The following UBE2J1 variants were observed in gnomAD, a reference collection of about 807,000 sequenced individuals.
The protein encoded by UBE2J1 is ubiquitin-conjugating enzyme E2 J1.
UBE2J1 carries 17 observed loss-of-function variants against 42.1 expected under a neutral mutation model. The observed-to-expected ratio is 0.40, with a 90% CI of 0.28 to 0.61. The LOEUF is 0.61. Ranked by LOEUF, UBE2J1 falls within the 20% of genes least tolerant of loss-of-function variation. The pLI, the probability that UBE2J1 is intolerant of heterozygous loss-of-function variation, is 0.38. For missense variants in UBE2J1, 291 were observed against 389.4 expected, an observed-to-expected ratio of 0.75 and a Z score of 2.13; for synonymous variants, 127 against 137.2, an observed-to-expected ratio of 0.93 and a Z score of 0.52.
chr6:89,333,988 A>C (rs1233750164), intron 6 of UBE2J1, among the ~76,000 whole-genome samples: 1 of 152,076 alleles, frequency 6.6e-6, no homozygotes, highest in South Asian at 2.1e-4. Context: ...TTACGTCTGT[A>C]TGTATGTATG....
intron 7 of UBE2J1, among the ~76,000 whole-genome samples, chr6:89,331,005 TC>T (rs1186983622): frequency 1.3e-5 from 2 of 152,178 alleles, no homozygotes; most frequent in Non-Finnish European, 2.9e-5. Flanking sequence ...TTTCTACATT[TC>T]CCATTGCTTT....
intron 3 of UBE2J1, among the ~76,000 whole-genome samples, chr6:89,339,113 A>C (rs931294797): frequency 2.0e-5 from 3 of 151,868 alleles, no homozygotes; most frequent in Admixed American, 2.0e-4. Flanking sequence ...GCACAAGTGA[A>C]ATCTAAATAA....
chr6:89,346,683 C>T (rs1372528883), intron 1 of UBE2J1, among the ~76,000 whole-genome samples: 2 of 151,840 alleles, frequency 1.3e-5, no homozygotes, highest in Admixed American at 6.6e-5. Context: ...TCAATCTGGG[C>T]AGATCAAAAT....
chr6:89,351,255 T>C (rs147783587), intron 1 of UBE2J1, among the ~76,000 whole-genome samples: 1,766 of 151,866 alleles, frequency 0.012, 62 homozygotes, highest in Admixed American at 0.066. Flanking sequence ...CTGATTTTTG[T>C]GTTTTTAGTA....
At chr6:89,350,020 A>ACAACTACTGACAAATCCATAGG in intron 1 of UBE2J1, among the ~76,000 whole-genome samples, 1 of 152,254 alleles carries the variant, frequency 6.6e-6, no homozygotes, top group African/African-American at 2.4e-5. Context: ...TGATCCATAG[A>ACAACTACTGACAAATCCATAGG]CAACTACTGC....
chr6:89,345,226 A>T (rs1217339284), intron 1 of UBE2J1, among the ~76,000 whole-genome samples: 1 of 152,208 alleles, frequency 6.6e-6, no homozygotes, highest in Non-Finnish European at 1.5e-5. Context: ...TTGGAATGTT[A>T]TGGGGAGAGA....
In UBE2J1 at chr6:89,328,226, A is replaced by T. The variant is rs1767941994; in HGVS notation, c.*1453T>A. 6.6e-6 allele frequency: 1 copy of T among 152,222 alleles called. No individual in the cohort carries two copies. Among genetic ancestry groups the T allele is most frequent in the Non-Finnish European group, 1.5e-5 (1 of 68,044 alleles). The allele number at this position is 152,222 out of a possible 1,614,324, so 9.4% of individuals were successfully genotyped here. ...ACAGTTAATAGAACGAATGTCCCAT[A>T]AACAGGAGTAAAAATTAAATTTTCC... On this transcript the variant is annotated 3_prime_UTR_variant, in exon 8 of 8. Transcript: ENST00000435041.
At chr6:89,333,328 T>C in intron 6 of UBE2J1, 123 bp from the exon 7 acceptor site, 2 of 1,156,462 alleles carry the variant, frequency 1.7e-6, no homozygotes, top group Non-Finnish European at 2.4e-6. Flanking sequence ...ATATCTATTA[T>C]CAGGCAGTTA....
At chr6:89,344,683 G>A (rs1768324525) in intron 1 of UBE2J1, among the ~76,000 whole-genome samples, 1 of 152,140 alleles carries the variant, frequency 6.6e-6, no homozygotes, top group Admixed American at 6.5e-5. Context: ...GCCACCTAAT[G>A]TCCCCACATT....
intron 1 of UBE2J1, among the ~76,000 whole-genome samples, 187 bp from the exon 2 acceptor site, chr6:89,343,943 A>G (rs1262660641): frequency 6.6e-6 from 1 of 152,192 alleles, no homozygotes; most frequent in East Asian, 1.9e-4. Flanking sequence ...AGGCATTAAC[A>G]CTTTAAAAGA....
At chr6:89,340,921 G>A (rs895732522) in intron 3 of UBE2J1, among the ~76,000 whole-genome samples, 4 of 151,554 alleles carry the variant, frequency 2.6e-5, no homozygotes, top group Admixed American at 1.3e-4. Flanking sequence ...GACTACAGGC[G>A]CCCGCCACCG....
At chr6:89,348,710 A>G (rs532227856) in intron 1 of UBE2J1, among the ~76,000 whole-genome samples, 1 of 152,384 alleles carries the variant, frequency 6.6e-6, no homozygotes, top group East Asian at 1.9e-4. Flanking sequence ...AGACATGAAA[A>G]TAATTACAAC....
intron 5 of UBE2J1, among the ~76,000 whole-genome samples, chr6:89,337,196 G>GCCT (rs1768124307): frequency 2.0e-5 from 3 of 150,418 alleles, no homozygotes; most frequent in African/African-American, 7.3e-5. Context: ...AATATACAGT[G>GCCT]AGAAGCCTAG....
In UBE2J1 at chr6:89,327,555, T is replaced by C. The variant is rs1767932194; in HGVS notation, c.*2124A>G. 1 of 152,162 alleles carries C rather than the reference T, an allele frequency of 6.6e-6. No individual in the cohort carries two copies. The highest frequency in any genetic ancestry group is 2.1e-4 in the South Asian group (1 of 4,830). 9.4% of individuals were successfully genotyped at this position (152,162 alleles called of 1,614,324 possible). A position where few individuals can be genotyped will look rare whatever the true frequency, so the allele number is the denominator to read the frequency against. Reference sequence around the variant, plus strand: ...TGCCCCTTTCAGATGGTGCTTCAGGTGCTAAAAAATATCCCAACACAAACA... The same window carrying C: ...TGCCCCTTTCAGATGGTGCTTCAGGCGCTAAAAAATATCCCAACACAAACA... On this transcript the variant is annotated 3_prime_UTR_variant, in exon 8 of 8. Transcript: ENST00000435041.
chr6:89,346,715 G>C (rs970234635), intron 1 of UBE2J1, among the ~76,000 whole-genome samples: 3 of 151,994 alleles, frequency 2.0e-5, no homozygotes, highest in African/African-American at 7.3e-5. Flanking sequence ...CCTAGGGAGG[G>C]GTAGAGACTA....
chr6:89,347,071 C>A (rs914274778), intron 1 of UBE2J1, among the ~76,000 whole-genome samples: 3 of 152,128 alleles, frequency 2.0e-5, no homozygotes, highest in Non-Finnish European at 4.4e-5. Flanking sequence ...AAACAAAATC[C>A]TTCATTCAAA....
chr6:89,340,850 A>G (rs911421943), intron 3 of UBE2J1, among the ~76,000 whole-genome samples: 5 of 150,546 alleles, frequency 3.3e-5, no homozygotes, highest in African/African-American at 1.2e-4. Flanking sequence ...ATCTCGGCTC[A>G]CTGCAAGCTC....
At chr6:89,335,544 T>C in intron 5 of UBE2J1, 113 bp from the exon 6 acceptor site, 1 of 697,786 alleles carries the variant, frequency 1.4e-6, no homozygotes, top group Non-Finnish European at 2.1e-6. Context: ...CACTGGAAAA[T>C]TCCACATCAC....
chr6:89,349,030 G>A (rs946747609), intron 1 of UBE2J1, among the ~76,000 whole-genome samples: 5 of 152,266 alleles, frequency 3.3e-5, no homozygotes, highest in South Asian at 2.1e-4. Flanking sequence ...GAGCTCAGGC[G>A]TTTGAGACCA....
Sources: gnomAD v4.1 joint callset for allele counts (sites outside exome capture counted in the v4.1 genomes callset) on GRCh38, gnomAD v4.1.1 for gene constraint, MANE v1.5 for transcripts, NCBI Gene and HGNC (gene_info 2026-07-23, HGNC 2026-07-21) for gene names.